RPS6KA2: variants seen among roughly 807,000 people sequenced by gnomAD.
RPS6KA2 encodes the protein ribosomal protein S6 kinase alpha-2.
In RPS6KA2, 42 loss-of-function variants were observed where a neutral mutation model predicts 91.8. The observed-to-expected ratio is 0.46, with a 90% CI of 0.36 to 0.59. The LOEUF is 0.59. RPS6KA2 is among the 20% of genes least tolerant of loss of function. The probability of loss-of-function intolerance (pLI) is 0.00; values close to 1 mark genes in which losing one functional copy is unlikely to be tolerated. For synonymous variants in RPS6KA2, 414 were observed against 393.6 expected (o/e 1.05, Z -0.61); for missense variants, 798 against 978.5 (o/e 0.82, Z 2.46).
At chr6:166,707,752 C>CT (rs199933207) in intron 2 of RPS6KA2, among the ~76,000 whole-genome samples, 45 of 151,862 alleles carry the variant, frequency 3.0e-4, no homozygotes, top group Middle Eastern at 6.8e-3. Context: ...CTCTCTCTCT[C>CT]TTTTTTTTCA....
intron 2 of RPS6KA2, among the ~76,000 whole-genome samples, chr6:166,686,381 TG>T (rs1317652135): frequency 1.3e-5 from 2 of 152,190 alleles, no homozygotes; most frequent in East Asian, 3.9e-4. Context: ...TCTGCTTTTT[TG>T]TATGCAGGGA....
chr6:166,601,974 C>T (rs980446979), intron 1 of RPS6KA2, among the ~76,000 whole-genome samples: 7 of 152,140 alleles, frequency 4.6e-5, no homozygotes, highest in African/African-American at 1.4e-4. Context: ...ATGCATGTAA[C>T]TGATGAAGAG....
chr6:166,417,531 C>G (rs1248355445), intron 19 of RPS6KA2, among the ~76,000 whole-genome samples: 1 of 152,138 alleles, frequency 6.6e-6, no homozygotes, highest in African/African-American at 2.4e-5. Flanking sequence ...CTCCTTGGGG[C>G]TCCAGCCTGC....
chr6:166,695,907 G>A (rs766174293), intron 2 of RPS6KA2, among the ~76,000 whole-genome samples: 1 of 152,202 alleles, frequency 6.6e-6, no homozygotes, highest in Non-Finnish European at 1.5e-5. Context: ...TCTCACAGGA[G>A]CACTAGATTC....
chr6:166,667,789 A>T (rs1788356007), intron 2 of RPS6KA2, among the ~76,000 whole-genome samples: 1 of 152,192 alleles, frequency 6.6e-6, no homozygotes, highest in South Asian at 2.1e-4. Flanking sequence ...AGGCGTTTTG[A>T]ATGAGGTAAA....
intron 10 of RPS6KA2, among the ~76,000 whole-genome samples, chr6:166,486,715 C>T (rs1036534703): frequency 1.1e-4 from 17 of 152,194 alleles, no homozygotes; most frequent in East Asian, 5.8e-4. Context: ...GTGGGTGGCA[C>T]GGGCTCCGCT....
chr6:166,686,256 G>A (rs1789010948), intron 2 of RPS6KA2, among the ~76,000 whole-genome samples: 1 of 152,138 alleles, frequency 6.6e-6, no homozygotes. Context: ...ATGAGGATTT[G>A]TCACTGGGAA....
At chr6:166,823,077 C>G (rs1484729459) in intron 2 of RPS6KA2, among the ~76,000 whole-genome samples, 2 of 152,180 alleles carry the variant, frequency 1.3e-5, no homozygotes, top group African/African-American at 4.8e-5. Context: ...CAGACGACCC[C>G]ACCTGAATAT....
intron 2 of RPS6KA2, among the ~76,000 whole-genome samples, chr6:166,772,063 T>A (rs796352483): frequency 3.9e-5 from 6 of 152,346 alleles, no homozygotes; most frequent in African/African-American, 1.4e-4. Context: ...CTGGCAAGAA[T>A]ACAGTTGCTA....
chr6:166,531,455 C>T (rs1783274043), intron 2 of RPS6KA2, 142 bp from the exon 3 acceptor site: 1 of 666,004 alleles, frequency 1.5e-6, no homozygotes, highest in Admixed American at 2.5e-5. Context: ...AAATTTTCTC[C>T]AACGTCAAGG....
chr6:166,572,375 T>C (rs1784715083), intron 1 of RPS6KA2, among the ~76,000 whole-genome samples: 1 of 152,250 alleles, frequency 6.6e-6, no homozygotes, highest in Admixed American at 6.5e-5. Context: ...AAGCATGTTA[T>C]AAAACAAACA....
In RPS6KA2 at chr6:166,451,117, G is replaced by A; in HGVS notation, c.1192C>T (p.His398Tyr). The part of the protein sequence containing the change: ...SQQDLHKVPV[H>Y]PIVQQLHGNN... ...AACACAGTTACCTGCACGATTGGGT[G>A]AACTGGGACTTTGTGCAGATCTTGC... Residue 398 changes from histidine to tyrosine, a missense_variant, in exon 13 of 21, where the codon CAC (histidine) becomes TAC (tyrosine). His to Tyr is a moderately conservative substitution (Grantham distance 83). Coordinates refer to ENST00000265678, the MANE Select transcript of RPS6KA2 (RefSeq NM_021135.6). 6.2e-7 allele frequency: 1 copy of A among 1,614,070 alleles called. No homozygotes were observed. Among genetic ancestry groups the A allele is most frequent in the Non-Finnish European group, 8.5e-7 (1 of 1,179,978 alleles).
upstream of RPS6KA2, chr6:166,862,730 CCCCCA>C (rs1781083137): frequency 6.8e-6 from 1 of 148,020 alleles, no homozygotes; most frequent in Non-Finnish European, 1.5e-5. Flanking sequence ...AGGTCTTTCC[CCCCCA>C]CCCCCAGCAC....
intron 2 of RPS6KA2, among the ~76,000 whole-genome samples, chr6:166,831,525 C>T (rs2128626582): frequency 6.6e-6 from 1 of 151,968 alleles, no homozygotes; most frequent in East Asian, 1.9e-4. Context: ...TTGTCCGCAC[C>T]TCTTCACAGG....
intron 8 of RPS6KA2, among the ~76,000 whole-genome samples, chr6:166,497,517 C>T (rs1041897479): frequency 2.0e-5 from 3 of 152,234 alleles, no homozygotes; most frequent in Admixed American, 1.3e-4. Context: ...GTGAGCAGCC[C>T]GTGCGGGCAC....
In RPS6KA2 at chr6:166,550,380, T is replaced by A. The variant is rs543795607; in HGVS notation, c.100-11596A>T. Among the ~76,000 whole-genome samples, 74 of 151,702 alleles carry A rather than the reference T, an allele frequency of 4.9e-4. 2 individuals are homozygous for A. The South Asian group carries it at 8.1e-3, about 17-fold the overall frequency. ...CAACTTGCTGCAAGGGAAAAAAAAA[T>A]GGAAGCCAATGGAAAACAATTTGGA... On this transcript the variant is annotated intron_variant, in intron 1 of 20. Transcript: ENST00000265678.
At chr6:166,853,843 G>A (rs941125293) in intron 2 of RPS6KA2, among the ~76,000 whole-genome samples, 3 of 152,226 alleles carry the variant, frequency 2.0e-5, no homozygotes, top group Admixed American at 6.5e-5. Context: ...TCTCAGCCCC[G>A]GTGCTCCTTT....
chr6:166,531,015 T>A (rs1023970142), intron 3 of RPS6KA2, among the ~76,000 whole-genome samples: 1 of 152,252 alleles, frequency 6.6e-6, no homozygotes, highest in Non-Finnish European at 1.5e-5. Context: ...ATTTACGCAA[T>A]ACAGCTCTTC....
At chr6:166,771,018 G>A (rs561529224) in intron 2 of RPS6KA2, 10 of 902,030 alleles carry the variant, frequency 1.1e-5, no homozygotes, top group African/African-American at 1.7e-5. Context: ...CCAGGCCTGT[G>A]AGCTTTTTGT....
Sources: allele counts gnomAD v4.1 joint callset (sites outside exome capture counted in the v4.1 genomes callset), GRCh38; gene constraint gnomAD v4.1.1; transcripts MANE v1.5; gene names NCBI Gene and HGNC (gene_info 2026-07-23, HGNC 2026-07-21).